The following FGF14 variants were observed in gnomAD, a reference collection of about 807,000 sequenced individuals.
The protein encoded by FGF14 is fibroblast growth factor 14, also known as fibroblast growth factor homologous factor 4.
In FGF14, 5 loss-of-function variants were observed where a neutral mutation model predicts 25.5. The observed-to-expected ratio is 0.20, with a 90% CI of 0.10 to 0.41. The LOEUF is 0.41. Among genes scored for constraint, FGF14 ranks in the 10% least tolerant of loss-of-function variants. FGF14 has a pLI of 1.00. For missense variants in FGF14, 222 were observed against 320.1 expected, an observed-to-expected ratio of 0.69 and a Z score of 2.34; for synonymous variants, 138 against 118.3, an observed-to-expected ratio of 1.17 and a Z score of -1.08.
intron 1 of FGF14, among the ~76,000 whole-genome samples, chr13:101,922,799 C>T (rs767954103): frequency 3.3e-5 from 5 of 149,746 alleles, no homozygotes; most frequent in East Asian, 2.0e-4. Flanking sequence ...AGATAAGTTT[C>T]GATACAGTTT....
intron 1 of FGF14, among the ~76,000 whole-genome samples, chr13:102,194,687 A>G (rs2049273161): frequency 6.6e-6 from 1 of 152,212 alleles, no homozygotes; most frequent in Non-Finnish European, 1.5e-5. Context: ...AGTAGAAAAA[A>G]TATTTGAGGA....
intron 1 of FGF14, among the ~76,000 whole-genome samples, chr13:102,202,680 G>T (rs1179149628): frequency 6.6e-6 from 1 of 152,112 alleles, no homozygotes; most frequent in Admixed American, 6.5e-5. Context: ...TCTTAGAAAA[G>T]GTCTGACCTA....
At chr13:102,182,070 T>C (rs1360348512) in intron 1 of FGF14, among the ~76,000 whole-genome samples, 2 of 152,144 alleles carry the variant, frequency 1.3e-5, no homozygotes, top group African/African-American at 4.8e-5. Context: ...AACTAACTCC[T>C]GGACCCTGCA....
At chr13:102,229,893 G>C (rs2050999176) in intron 1 of FGF14, among the ~76,000 whole-genome samples, 1 of 152,170 alleles carries the variant, frequency 6.6e-6, no homozygotes, top group Non-Finnish European at 1.5e-5. Flanking sequence ...TGCTGTGGAA[G>C]GCTTCCTCAA....
chr13:102,398,403 C>T (rs1301407832), intron 1 of FGF14, among the ~76,000 whole-genome samples: 1 of 151,980 alleles, frequency 6.6e-6, no homozygotes, highest in Non-Finnish European at 1.5e-5. Flanking sequence ...GACAGTTTAG[C>T]GAATTGGAAA....
In FGF14 at chr13:101,916,763, C is replaced by T; in HGVS notation, c.-118G>A. ...CGCCCTCGGGGCAGAGGAGGGGGTG[C>T]CAGGCGGGACTGGGGAGAGGGGAAG... On this transcript the variant is annotated 5_prime_UTR_variant, in exon 1 of 5. Coordinates refer to ENST00000376143, the MANE Select transcript of FGF14 (RefSeq NM_004115.4). 1.2e-6 allele frequency: 1 copy of T among 854,096 alleles called. No individual in the cohort carries two copies. The highest frequency in any genetic ancestry group is 1.8e-5 in the South Asian group (1 of 54,584). The allele number at this position is 854,096 out of a possible 1,614,324, so 52.9% of individuals were successfully genotyped here.
chr13:102,026,294 A>G (rs991516529), intron 1 of FGF14, among the ~76,000 whole-genome samples: 16 of 152,072 alleles, frequency 1.1e-4, no homozygotes, highest in African/African-American at 3.9e-4. Flanking sequence ...AGATATTTCC[A>G]TTTGGTTATG....
In FGF14 at chr13:101,878,062, C is replaced by T. The variant is rs1474297319; in HGVS notation, c.194-2766G>A. ...TGACTCTTCACCATCCACTGAGTTACGTATGCACCTTACCGCAGTAAGGCC... is the reference window on the plus strand; with the variant it reads ...TGACTCTTCACCATCCACTGAGTTATGTATGCACCTTACCGCAGTAAGGCC... On this transcript the variant is annotated intron_variant, in intron 1 of 4. Coordinates refer to ENST00000376143, the MANE Select transcript of FGF14 (RefSeq NM_004115.4). Among the ~76,000 whole-genome samples, 7 of 152,144 alleles carry T rather than the reference C, an allele frequency of 4.6e-5. 1 individual carries two copies. The highest frequency in any genetic ancestry group is 2.1e-4 in the South Asian group (1 of 4,828).
At chr13:102,095,855 CAACA>C (rs757450252) in intron 1 of FGF14, among the ~76,000 whole-genome samples, 9 of 151,984 alleles carry the variant, frequency 5.9e-5, no homozygotes, top group Non-Finnish European at 5.9e-5. Context: ...CCTTCTCAAT[CAACA>C]GTTAGTAGTT....
At chr13:102,226,412 T>G (rs1180517131) in intron 1 of FGF14, among the ~76,000 whole-genome samples, 1 of 152,216 alleles carries the variant, frequency 6.6e-6, no homozygotes, top group Non-Finnish European at 1.5e-5. Flanking sequence ...CCCATTTATC[T>G]CCTAAAACTA....
intron 1 of FGF14, among the ~76,000 whole-genome samples, chr13:101,996,335 C>A (rs1183078232): frequency 6.6e-6 from 1 of 152,012 alleles, no homozygotes; most frequent in African/African-American, 2.4e-5. Flanking sequence ...GATGGAGAAA[C>A]TTTCTGAGGA....
rs75866271 is a variant in FGF14 at position 101,899,063 on chromosome 13, A to G, written c.193+17390T>C. On this transcript the variant is annotated intron_variant, in intron 1 of 4. Coordinates refer to ENST00000376143, the MANE Select transcript of FGF14 (RefSeq NM_004115.4). ...AGCCTTGGTAAACATCCAGGTTTTCAGTTGGAGCCCCTATAAACTATACGT... is the reference window on the plus strand; with the variant it reads ...AGCCTTGGTAAACATCCAGGTTTTCGGTTGGAGCCCCTATAAACTATACGT... Among the ~76,000 whole-genome samples, 101 of 152,334 alleles carry G rather than the reference A, an allele frequency of 6.6e-4. No homozygotes were observed. In the East Asian group the frequency reaches 0.019, roughly 28 times the overall value.
intron 1 of FGF14, among the ~76,000 whole-genome samples, chr13:102,174,135 CTTT>C (rs35882587): frequency 4.6e-5 from 6 of 129,374 alleles, no homozygotes; most frequent in Admixed American, 7.8e-5. Flanking sequence ...ATCAGCATTT[CTTT>C]TTTTTTTTTT....
At chr13:102,060,037 T>A (rs1337069013) in intron 1 of FGF14, among the ~76,000 whole-genome samples, 3 of 152,182 alleles carry the variant, frequency 2.0e-5, no homozygotes, top group Non-Finnish European at 4.4e-5. Context: ...TCCAAACTTT[T>A]TGAGTGCCAG....
At chr13:102,081,588 A>G (rs559674583) in intron 1 of FGF14, among the ~76,000 whole-genome samples, 5 of 150,466 alleles carry the variant, frequency 3.3e-5, no homozygotes, top group African/African-American at 1.2e-4. Flanking sequence ...TGCTCTTTTT[A>G]AAAAAAAAAT....
intron 3 of FGF14, among the ~76,000 whole-genome samples, chr13:101,730,787 G>C (rs945645738): frequency 1.3e-5 from 2 of 152,172 alleles, no homozygotes; most frequent in African/African-American, 4.8e-5. Flanking sequence ...GTAGATACAG[G>C]AGTGAGGAAA....
At chr13:101,810,353 C>T (rs542678504) in intron 3 of FGF14, among the ~76,000 whole-genome samples, 1 of 152,318 alleles carries the variant, frequency 6.6e-6, no homozygotes, top group East Asian at 1.9e-4. Flanking sequence ...AATTTACTTA[C>T]AGTTAAAATA....
intron 1 of FGF14, among the ~76,000 whole-genome samples, chr13:102,356,645 A>G (rs2057424312): frequency 6.6e-6 from 1 of 152,232 alleles, no homozygotes; most frequent in African/African-American, 2.4e-5. Context: ...TCTATCCTCA[A>G]TGTCCAAGTC....
chr13:101,844,499 A>G (rs890157580), intron 3 of FGF14, among the ~76,000 whole-genome samples: 1 of 151,978 alleles, frequency 6.6e-6, no homozygotes, highest in African/African-American at 2.4e-5. Context: ...ATTTAACCAT[A>G]TTTAATTCTA....
Sources: gnomAD v4.1 joint callset for allele counts (sites outside exome capture counted in the v4.1 genomes callset) on GRCh38, gnomAD v4.1.1 for gene constraint, MANE v1.5 for transcripts, NCBI Gene and HGNC (gene_info 2026-07-23, HGNC 2026-07-21) for gene names.